KLRG1: variants seen among roughly 807,000 people sequenced by gnomAD.
The protein encoded by KLRG1 is killer cell lectin like receptor G1.
Under a neutral mutation model 21.8 loss-of-function variants are expected in KLRG1, and 16 were observed. That is an observed-to-expected ratio of 0.73 (90% CI 0.50 to 1.11). The LOEUF (loss-of-function observed/expected upper bound fraction) is 1.11, where lower values mean the gene tolerates loss of function less well. Among genes scored for constraint, KLRG1 ranks in the 50% most tolerant of loss-of-function variants. KLRG1 has a pLI of 0.00. For missense variants in KLRG1, 173 were observed against 218.3 expected (o/e 0.79, Z 1.31); for synonymous variants, 69 against 75.9 (o/e 0.91, Z 0.47).
chr12:9,070,422 G>A, the KLRG1 span: 2 of 1,063,942 alleles, frequency 1.9e-6, no homozygotes, highest in South Asian at 2.7e-5. Context: ...TATTAGTATT[G>A]TCTTATGCTG....
the KLRG1 span, chr12:9,080,153 G>A: frequency 6.3e-7 from 1 of 1,586,652 alleles, no homozygotes; most frequent in South Asian, 1.2e-5. Flanking sequence ...CAGTTTCAGG[G>A]ATAATTCTTC....
At chr12:9,160,971 G>A in the KLRG1 span, 9 of 1,276,744 alleles carry the variant, frequency 7.0e-6, no homozygotes, top group East Asian at 4.6e-5. Context: ...ATACAAATAC[G>A]TAGATAAGAT....
the KLRG1 span, among the ~76,000 whole-genome samples, chr12:9,016,526 G>A: frequency 5.9e-5 from 9 of 152,304 alleles, no homozygotes; most frequent in Middle Eastern, 3.4e-3. Context: ...TGTCTCCCAG[G>A]AAAATAAAGC....
chr12:8,988,771 G>A (rs202062084), upstream of KLRG1, among the ~76,000 whole-genome samples: 40 of 151,970 alleles, frequency 2.6e-4, 1 homozygote, highest in East Asian at 5.8e-3. Flanking sequence ...TAGTAGAGAC[G>A]GGGTTTCACC....
the KLRG1 span, among the ~76,000 whole-genome samples, chr12:9,032,379 G>A: frequency 6.6e-6 from 1 of 152,150 alleles, no homozygotes; most frequent in Non-Finnish European, 1.5e-5. Context: ...CCACCTTTGC[G>A]AAATTATGAC....
the KLRG1 span, chr12:9,169,917 A>G: frequency 5.6e-6 from 1 of 179,128 alleles, no homozygotes; most frequent in South Asian, 1.9e-4. Context: ...TAATTAATAC[A>G]TAATGCCCTG....
At chr12:9,024,184 T>C in the KLRG1 span, among the ~76,000 whole-genome samples, 48,745 of 151,352 alleles carry the variant, frequency 0.32, 7,866 homozygotes, top group Admixed American at 0.38. Flanking sequence ...TGCACCACCA[T>C]GCCTGGCTAA....
the KLRG1 span, among the ~76,000 whole-genome samples, chr12:9,119,621 T>G: frequency 6.6e-6 from 1 of 152,126 alleles, no homozygotes; most frequent in African/African-American, 2.4e-5. Flanking sequence ...GGAAATAAAC[T>G]TGAATAAGTT....
chr12:9,203,265 T>TA, the KLRG1 span, among the ~76,000 whole-genome samples: 40,388 of 151,474 alleles, frequency 0.27, 5,915 homozygotes, highest in Admixed American at 0.38. Context: ...CTTACTCTGG[T>TA]AAAAAATGCT....
intron 1 of KLRG1, among the ~76,000 whole-genome samples, chr12:8,974,886 CTCTTCT>C (rs200301600): frequency 4.4e-5 from 6 of 136,722 alleles, no homozygotes; most frequent in Non-Finnish European, 4.9e-5. Flanking sequence ...GAGGCATTAC[CTCTTCT>C]TCTTCTTCTT....
At chr12:8,958,825 C>A (rs1946337348) in intron 1 of KLRG1, among the ~76,000 whole-genome samples, 1 of 149,000 alleles carries the variant, frequency 6.7e-6, no homozygotes, top group Non-Finnish European at 1.5e-5. Context: ...CCACTGCACT[C>A]CAGCCTGGAC....
chr12:9,073,371 G>A, the KLRG1 span, among the ~76,000 whole-genome samples: 1 of 152,208 alleles, frequency 6.6e-6, no homozygotes, highest in Non-Finnish European at 1.5e-5. Flanking sequence ...AATAAAAGAT[G>A]AGTATTATAA....
At chr12:9,182,207 T>C in the KLRG1 span, 13 of 1,096,888 alleles carry the variant, frequency 1.2e-5, no homozygotes, top group Admixed American at 1.4e-4. Context: ...TGCTTGGTCT[T>C]ATCCACTTGA....
At chr12:9,126,949 G>T in the KLRG1 span, among the ~76,000 whole-genome samples, 1 of 152,184 alleles carries the variant, frequency 6.6e-6, no homozygotes, top group Non-Finnish European at 1.5e-5. Flanking sequence ...GGAAAATACA[G>T]AGCTATATGG....
chr12:9,094,503 T>C, the KLRG1 span, among the ~76,000 whole-genome samples: 1 of 151,884 alleles, frequency 6.6e-6, no homozygotes, highest in African/African-American at 2.4e-5. Context: ...CCTTAAATGC[T>C]TTCCTTGATT....
the KLRG1 span, chr12:9,208,184 A>G: frequency 2.5e-5 from 28 of 1,130,588 alleles, no homozygotes; most frequent in Non-Finnish European, 3.4e-5. Flanking sequence ...TGGCATTTAC[A>G]AAGGAAGGCA....
chr12:9,171,931 CAGG>C, the KLRG1 span, among the ~76,000 whole-genome samples: 1 of 152,122 alleles, frequency 6.6e-6, no homozygotes, highest in Non-Finnish European at 1.5e-5. Flanking sequence ...GGATATCATC[CAGG>C]AGAACTTCCC....
At chr12:9,156,757 G>A in the KLRG1 span, among the ~76,000 whole-genome samples, 2 of 152,100 alleles carry the variant, frequency 1.3e-5, no homozygotes, top group African/African-American at 4.8e-5. Flanking sequence ...GTATGACTTG[G>A]CTAAGGAATT....
At chr12:9,137,924 C>A in the KLRG1 span, among the ~76,000 whole-genome samples, 2 of 151,890 alleles carry the variant, frequency 1.3e-5, no homozygotes, top group African/African-American at 2.4e-5. Flanking sequence ...TAAAATGGAG[C>A]CTTTGGGATT....
Sources: allele counts gnomAD v4.1 joint callset (sites outside exome capture counted in the v4.1 genomes callset), GRCh38; gene constraint gnomAD v4.1.1; transcripts MANE v1.5; gene names NCBI Gene and HGNC (gene_info 2026-07-23, HGNC 2026-07-21).